The following EXTL3 variants were observed in gnomAD, a reference collection of about 807,000 sequenced individuals.
EXTL3 encodes the protein exostosin-like 3.
In EXTL3, 27 loss-of-function variants were observed where a neutral mutation model predicts 69.3. The observed-to-expected ratio is 0.39, with a 90% confidence interval of 0.29 to 0.54. The LOEUF is 0.54. Among genes scored for constraint, EXTL3 ranks in the 20% least tolerant of loss-of-function variants. The probability of loss-of-function intolerance (pLI) is 0.69; values close to 1 mark genes in which losing one functional copy is unlikely to be tolerated. For missense variants in EXTL3, 1,003 were observed against 1,231.8 expected (o/e 0.81, Z 2.78); for synonymous variants, 511 against 499.4 (o/e 1.02, Z -0.31).
rs771484952 is a variant in EXTL3, at chr8:28,717,894, A to G, written c.1835A>G (p.His612Arg). ...RSWNCAPGPF[H>R]LFPHTPFDPV... is the part of the protein sequence containing the mutation. ...TGGAACTGTGCTCCAGGGCCTTTCC[A>G]TCTTTTCCCCCACACTCCCTTTGAC... The change falls in exon 3 of 7, where the codon CAT becomes CGT. Residue 612 changes from histidine (H) to arginine (R), a missense_variant. This residue lies in a region of EXTL3 where 261 missense variants were observed against 416.4 expected (regional missense o/e 0.63). Coordinates refer to ENST00000220562, the MANE Select transcript of EXTL3 (RefSeq NM_001440.4). This position sits in a 1 kb window ranked among gnomAD's most constrained non-coding sequence, Gnocchi z 8.3. 29 of 1,614,056 alleles carry G rather than the reference A, an allele frequency of 1.8e-5. No homozygotes were observed. Among genetic ancestry groups the G allele is most frequent in the South Asian group, 1.4e-4 (13 of 91,078 alleles).
At chr8:28,671,676 T>C (rs1312746852) in intron 1 of EXTL3, among the ~76,000 whole-genome samples, 1 of 152,160 alleles carries the variant, frequency 6.6e-6, no homozygotes, top group Non-Finnish European at 1.5e-5. Flanking sequence ...AAATGTTGGC[T>C]GCCCCCTTTA....
At chr8:28,648,010 G>T (rs1002099842) in intron 1 of EXTL3, among the ~76,000 whole-genome samples, 2 of 151,942 alleles carry the variant, frequency 1.3e-5, no homozygotes, top group African/African-American at 2.4e-5. Context: ...TGCTGGTCAT[G>T]CTACCTGGCT....
intron 4 of EXTL3, among the ~76,000 whole-genome samples, chr8:28,736,268 T>G (rs542648101): frequency 6.6e-6 from 1 of 152,338 alleles, no homozygotes; most frequent in East Asian, 1.9e-4. Flanking sequence ...GATTAGATGC[T>G]TCTAGACTTA....
intron 1 of EXTL3, among the ~76,000 whole-genome samples, chr8:28,661,218 A>G (rs964098379): frequency 1.3e-5 from 2 of 152,026 alleles, no homozygotes; most frequent in African/African-American, 4.8e-5. Context: ...TATTGTTTAC[A>G]TACAATAAAG....
At chr8:28,637,899 C>G (rs1301144569) in intron 1 of EXTL3, among the ~76,000 whole-genome samples, 2 of 152,206 alleles carry the variant, frequency 1.3e-5, no homozygotes, top group African/African-American at 4.8e-5. Context: ...ATTCCCCTGG[C>G]TGCAATGAAA....
chr8:28,676,155 G>A (rs1428914542), intron 1 of EXTL3, among the ~76,000 whole-genome samples: 1 of 152,170 alleles, frequency 6.6e-6, no homozygotes, highest in Non-Finnish European at 1.5e-5. Flanking sequence ...TAATGTGGAG[G>A]AAGGGATTCA....
Position 28,752,261 on chromosome 8 carries a change from T to G in EXTL3, c.*1395T>G, listed in dbSNP as rs543489423. The G allele has an allele frequency of 3.9e-5, 6 of 152,638 alleles. No individual in the cohort carries two copies. In the South Asian group the frequency reaches 1.0e-3, roughly 26 times the overall value. The allele number at this position is 152,638 out of a possible 1,614,324, so 9.5% of individuals were successfully genotyped here. On this transcript the variant is annotated 3_prime_UTR_variant, in exon 7 of 7. Coordinates refer to ENST00000220562, the MANE Select transcript of EXTL3 (RefSeq NM_001440.4). The stretch of plus-strand genomic sequence containing the variant: ...CTAATTTTTTGGGTCACGGTGGCAG[T>G]AGGGGAACCTAGGAGGGTGTGAGTG...
rs1801988701 is a variant in EXTL3 at position 28,750,848 on chromosome 8, G to A, written c.2742G>A (p.Lys914=). Residue 914 remains lysine (K), a synonymous_variant, in exon 7 of 7, where the codon AAG becomes AAA. Coordinates refer to ENST00000220562, the MANE Select transcript of EXTL3 (RefSeq NM_001440.4). This position sits in a 1 kb window ranked among gnomAD's most constrained non-coding sequence, Gnocchi z 5.2. Reference sequence around the variant, plus strand: ...CACGCCTGCCCCATGACAAGACCAAGTGCTTCAAGTTCATCTAGGGGCAGC... The same window carrying A: ...CACGCCTGCCCCATGACAAGACCAAATGCTTCAAGTTCATCTAGGGGCAGC... ...FKTRLPHDKT[K]CFKFI 3.7e-6 allele frequency: 6 copies of A among 1,614,138 alleles called. No homozygotes were observed. Among genetic ancestry groups the A allele is most frequent in the Non-Finnish European group, 5.1e-6 (6 of 1,180,026 alleles).
intron 4 of EXTL3, among the ~76,000 whole-genome samples, chr8:28,732,217 T>C (rs531504449): frequency 6.6e-6 from 1 of 152,294 alleles, no homozygotes; most frequent in South Asian, 2.1e-4. Flanking sequence ...AGATGAAGGC[T>C]ACTCCAGGTA....
Position 28,726,536 on chromosome 8 carries a change from T to C in EXTL3, c.2149-4687T>C, listed in dbSNP as rs370726698. Among the ~76,000 whole-genome samples the C allele has an allele frequency of 2.0e-5, 3 of 152,194 alleles. No homozygotes were observed. In the East Asian group the frequency reaches 5.8e-4, roughly 29 times the overall value. ...TTTTGGTTTACTGTCTTCCTGCAGG[T>C]TGACTCTAAATCAGGGTGTTTCAGC... On this transcript the variant is annotated intron_variant, in intron 3 of 6. Transcript: ENST00000220562.
chr8:28,673,827 T>C (rs531722762), intron 1 of EXTL3, among the ~76,000 whole-genome samples: 8 of 152,318 alleles, frequency 5.3e-5, no homozygotes, highest in Middle Eastern at 3.4e-3. Flanking sequence ...ATTTTGGCAC[T>C]GAGAGTGCTT....
chr8:28,632,709 C>A (rs561470700), intron 1 of EXTL3, among the ~76,000 whole-genome samples: 45 of 151,838 alleles, frequency 3.0e-4, no homozygotes, highest in African/African-American at 1.1e-3. Context: ...CACGCCACCA[C>A]ACCCAGCTAA....
intron 1 of EXTL3, among the ~76,000 whole-genome samples, chr8:28,651,596 A>G (rs1382421997): frequency 3.9e-5 from 6 of 152,198 alleles, no homozygotes; most frequent in African/African-American, 1.4e-4. Context: ...AAGTGCTGGG[A>G]TTATAAGCAT....
chr8:28,716,057 C>T lies in EXTL3; in HGVS notation c.-3C>T. 3 of 1,601,136 alleles carry T rather than the reference C, an allele frequency of 1.9e-6. No homozygotes were observed. The highest frequency in any genetic ancestry group is 2.2e-5 in the South Asian group (2 of 90,890). Reference sequence around the variant, plus strand: ...GATCTGGGGGGCAGGCTGCAGAGGACTCATGACAGGCTATACCATGCTGCG... The same window carrying T: ...GATCTGGGGGGCAGGCTGCAGAGGATTCATGACAGGCTATACCATGCTGCG... On this transcript the variant is annotated 5_prime_UTR_variant, in exon 3 of 7. Coordinates refer to ENST00000220562, the MANE Select transcript of EXTL3 (RefSeq NM_001440.4). This position sits in a 1 kb window ranked among gnomAD's most constrained non-coding sequence, Gnocchi z 7.1.
chr8:28,688,471 G>A lies in EXTL3; in HGVS notation c.-52-24986G>A, dbSNP rs114761415. On this transcript the variant is annotated intron_variant, in intron 1 of 6. Transcript: ENST00000523149. ...GACTAACAATTTACATGCATTATCT[G>A]GGATAATCCTTACACTACTCCTATG... Among the ~76,000 whole-genome samples, 465 of 152,282 alleles carry A rather than the reference G, an allele frequency of 3.1e-3. 3 individuals are homozygous for A. The highest frequency in any genetic ancestry group is 0.011 in the African/African-American group (450 of 41,558).
chr8:28,608,123 A>G (rs1480091261), intron 2 of EXTL3, among the ~76,000 whole-genome samples: 3 of 151,532 alleles, frequency 2.0e-5, no homozygotes, highest in Non-Finnish European at 2.9e-5. Flanking sequence ...AAAAAAAAAA[A>G]GAAAGAAAGA....
At chr8:28,677,724 T>C (rs240920) in intron 1 of EXTL3, among the ~76,000 whole-genome samples, 38,608 of 151,976 alleles carry the variant, frequency 0.25, 5,433 homozygotes, top group East Asian at 0.39. Context: ...AAAAATCACT[T>C]TGTTCTGTTA....
At chr8:28,725,976 G>C (rs1801403788) in intron 3 of EXTL3, among the ~76,000 whole-genome samples, 1 of 146,090 alleles carries the variant, frequency 6.8e-6, no homozygotes, top group Admixed American at 6.9e-5. Flanking sequence ...TTTTTTCCGA[G>C]ATGGAGTCTC....
chr8:28,724,616 AAAG>A (rs111588352), intron 3 of EXTL3, among the ~76,000 whole-genome samples: 17 of 148,598 alleles, frequency 1.1e-4, no homozygotes, highest in African/African-American at 3.0e-4. Flanking sequence ...AAAAAAAAAA[AAAG>A]AAGAAGAAAA....
Sources: gnomAD v4.1 joint callset for allele counts (sites outside exome capture counted in the v4.1 genomes callset) on GRCh38, gnomAD v4.1.1 for gene constraint, gnomAD v4.1.1 regional missense constraint, Gnocchi (gnomAD v3.1) non-coding constraint, MANE v1.5 for transcripts, NCBI Gene and HGNC (gene_info 2026-07-23, HGNC 2026-07-21) for gene names.